Variants in MYBL2 observed in about 807,000 individuals in gnomAD.
The protein encoded by MYBL2 is myb-related protein B.
Under a neutral mutation model 79.9 loss-of-function variants are expected in MYBL2, and 28 were observed. The ratio of observed to expected loss-of-function variants is 0.35; its 90% confidence interval spans 0.26 to 0.48. The LOEUF (loss-of-function observed/expected upper bound fraction) is 0.48. MYBL2 is among the 20% of genes least tolerant of loss of function. The pLI, the probability that MYBL2 is intolerant of heterozygous loss-of-function variation, is 0.99. For synonymous variants in MYBL2, 378 were observed against 361.2 expected (o/e 1.05, Z -0.53); for missense variants, 735 against 893.9 (o/e 0.82, Z 2.27).
rs1189842267 is a variant in MYBL2 at position 43,709,959 on chromosome 20, G to A, written c.1506-4G>A. 1 of 1,602,092 alleles carries A rather than the reference G, an allele frequency of 6.2e-7. No individual in the cohort carries two copies. Among genetic ancestry groups the A allele is most frequent in the Non-Finnish European group, 8.5e-7 (1 of 1,173,724 alleles). On this transcript the variant is annotated splice_polypyrimidine_tract_variant and splice_region_variant and intron_variant, in intron 9 of 13. Coordinates refer to ENST00000217026, the MANE Select transcript of MYBL2 (RefSeq NM_002466.4). ...ACTAGTTCCCCCGTTCTGGCCCCTG[G>A]CAGGTTTGTAACCCCAGATCAGAAG...
intron 3 of MYBL2, 136 bp downstream of exon 3, chr20:43,681,991 G>A (rs951616412): frequency 3.6e-6 from 3 of 825,704 alleles, no homozygotes; most frequent in Non-Finnish European, 3.9e-6. Context: ...ATAAAACAGG[G>A]CAAATGGACC....
intron 12 of MYBL2, among the ~76,000 whole-genome samples, chr20:43,713,820 C>A (rs1463267045): frequency 1.3e-5 from 2 of 152,202 alleles, no homozygotes; most frequent in Admixed American, 1.3e-4. Context: ...GGGGTTGTTG[C>A]CTGTGCAGAG....
chr20:43,699,845 C>T lies in MYBL2; in HGVS notation c.752C>T (p.Ser251Leu), dbSNP rs752406499. Residue 251 changes from serine to leucine, a missense_variant, in exon 7 of 14, where the codon TCG becomes TTG. Physicochemically the swap from Ser to Leu is moderately radical, Grantham distance 145. Coordinates refer to ENST00000217026, the MANE Select transcript of MYBL2 (RefSeq NM_002466.4). ...SEEELAAATT[S>L]KEQEPIGTDL... ...GAGGAACTTGCAGCAGCCACCACAT[C>T]GAAGGAACAGGAGCCCATCGGTACA... 3.7e-5 allele frequency: 60 copies of T among 1,613,988 alleles called. No individual in the cohort carries two copies. The Admixed American group carries it at 9.0e-4, about 24-fold the overall frequency.
intron 9 of MYBL2, among the ~76,000 whole-genome samples, chr20:43,709,049 C>G (rs150431117): frequency 6.6e-6 from 1 of 152,172 alleles, no homozygotes; most frequent in Non-Finnish European, 1.5e-5. Flanking sequence ...AGTTTTTTAT[C>G]TCCCCATGGA....
At chr20:43,691,832 G>A (rs1220140606) in intron 5 of MYBL2, among the ~76,000 whole-genome samples, 1 of 151,338 alleles carries the variant, frequency 6.6e-6, no homozygotes, top group Non-Finnish European at 1.5e-5. Context: ...GTGAGCCACC[G>A]CACTCGGCAA....
chr20:43,705,455 AC>A, intron 9 of MYBL2, 97 bp downstream of exon 9: 1 of 1,380,382 alleles, frequency 7.2e-7, no homozygotes, highest in Non-Finnish European at 9.6e-7. Flanking sequence ...GGGAGGGGGC[AC>A]CCTTGGAATA....
intron 7 of MYBL2, among the ~76,000 whole-genome samples, chr20:43,700,545 G>C (rs918107547): frequency 2.0e-5 from 3 of 152,146 alleles, no homozygotes; most frequent in Non-Finnish European, 4.4e-5. Flanking sequence ...TGTCCTTTGA[G>C]GAGGGCTTCT....
chr20:43,677,656 C>G, intron 2 of MYBL2, among the ~76,000 whole-genome samples: 1 of 151,818 alleles, frequency 6.6e-6, no homozygotes, highest in Admixed American at 6.6e-5. Context: ...TCTGCCTGGC[C>G]AGCCGCCCCG....
In MYBL2 at chr20:43,704,724, G is replaced by A. The variant is rs563651872; in HGVS notation, c.1366-495G>A. Reference sequence around the variant, plus strand: ...CGTTGGTTTTCTTATCTGTAAAAGGGGGATAGTAATAGTGCCTATGTCTCA... The same window carrying A: ...CGTTGGTTTTCTTATCTGTAAAAGGAGGATAGTAATAGTGCCTATGTCTCA... On this transcript the variant is annotated intron_variant, in intron 8 of 13. Coordinates refer to ENST00000217026, the MANE Select transcript of MYBL2 (RefSeq NM_002466.4). Among the ~76,000 whole-genome samples the A allele has an allele frequency of 5.7e-4, 87 of 152,280 alleles. 1 individual carries two copies. Among genetic ancestry groups the A allele is most frequent in the Non-Finnish European group, 1.1e-3 (75 of 68,030 alleles).
At chr20:43,693,055 CAG>C (rs1272954833) in intron 6 of MYBL2, among the ~76,000 whole-genome samples, 2 of 151,952 alleles carry the variant, frequency 1.3e-5, no homozygotes, top group Admixed American at 6.6e-5. Context: ...TTTTTTGAGA[CAG>C]AGTTTTGCTC....
chr20:43,693,030 C>T (rs933909105), intron 6 of MYBL2, among the ~76,000 whole-genome samples: 1 of 152,078 alleles, frequency 6.6e-6, no homozygotes, highest in Admixed American at 6.6e-5. Flanking sequence ...TATAGTATTA[C>T]ATTTGCAGGC....
intron 7 of MYBL2, among the ~76,000 whole-genome samples, 189 bp downstream of exon 7, chr20:43,700,233 G>T (rs1389437918): frequency 1.3e-5 from 2 of 152,162 alleles, no homozygotes; most frequent in Non-Finnish European, 2.9e-5. Context: ...TATCCTTGGG[G>T]AGCTCCCGGT....
rs770579437 is a variant in MYBL2 at position 43,686,978 on chromosome 20, T to A, written c.406T>A (p.Ser136Thr). 2 of 1,614,026 alleles carry A rather than the reference T, an allele frequency of 1.2e-6. No homozygotes were observed. The highest frequency in any genetic ancestry group is 2.2e-5 in the South Asian group (2 of 91,066). ...CCACCTCAACCCTGAGGTGAAGAAG[T>A]CTTGCTGGACCGAGGAGGAGGACCG... ...HNHLNPEVKK[S>T]CWTEEEDRII... The change falls in exon 5 of 14, where the codon TCT becomes ACT. Residue 136 changes from serine (S) to threonine (T), a missense_variant. Transcript: ENST00000217026.
chr20:43,698,399 A>G, intron 6 of MYBL2, among the ~76,000 whole-genome samples: 1 of 92,220 alleles, frequency 1.1e-5, no homozygotes, highest in Non-Finnish European at 1.9e-5. Context: ...TTTTTTTGAG[A>G]CAGAGTCTCG....
chr20:43,711,972 G>A (rs1987917653), intron 11 of MYBL2, among the ~76,000 whole-genome samples: 1 of 152,144 alleles, frequency 6.6e-6, no homozygotes, highest in Admixed American at 6.5e-5. Flanking sequence ...AATTCACAGG[G>A]TACCAAGGGC....
chr20:43,669,199 A>G (rs979026338), intron 1 of MYBL2, among the ~76,000 whole-genome samples: 3 of 152,010 alleles, frequency 2.0e-5, no homozygotes, highest in African/African-American at 7.2e-5. Flanking sequence ...GTCTCACCTC[A>G]CTATGTTACC....
At chr20:43,672,167 C>T (rs563885549) in intron 1 of MYBL2, among the ~76,000 whole-genome samples, 3 of 10,142 alleles carry the variant, frequency 3.0e-4, no homozygotes, top group South Asian at 3.4e-3. Flanking sequence ...GCTGAGATGT[C>T]GCCACTTCAC....
At chr20:43,710,694 CTGCATG>C (rs1254972966) in intron 10 of MYBL2, among the ~76,000 whole-genome samples, 1 of 152,196 alleles carries the variant, frequency 6.6e-6, no homozygotes, top group East Asian at 1.9e-4. Flanking sequence ...TCTCTCTCCA[CTGCATG>C]GAGCCTCCTA....
At chr20:43,683,951 C>T (rs901739098) in intron 4 of MYBL2, among the ~76,000 whole-genome samples, 4 of 151,840 alleles carry the variant, frequency 2.6e-5, no homozygotes, top group African/African-American at 4.8e-5. Context: ...TTGATTGAGG[C>T]GGGGGTTCGC....
Sources: gnomAD v4.1 joint callset for allele counts (sites outside exome capture counted in the v4.1 genomes callset) on GRCh38, gnomAD v4.1.1 for gene constraint, MANE v1.5 for transcripts, NCBI Gene and HGNC (gene_info 2026-07-23, HGNC 2026-07-21) for gene names.